TTC39B: variants seen among roughly 807,000 people sequenced by gnomAD.
The protein encoded by TTC39B is tetratricopeptide repeat protein 39B.
In TTC39B, 92 loss-of-function variants were observed where a neutral mutation model predicts 96.6. The ratio of observed to expected loss-of-function variants is 0.95; its 90% CI spans 0.80 to 1.13. The LOEUF (loss-of-function observed/expected upper bound fraction) is 1.13. TTC39B is among the 50% of genes most tolerant of loss of function. The pLI is 0.00. For synonymous variants in TTC39B, 367 were observed against 299.4 expected (o/e 1.23, Z -2.33); for missense variants, 955 against 809.3 (o/e 1.18, Z -2.18).
chr9:15,269,208 T>C (rs75519459), intron 1 of TTC39B, among the ~76,000 whole-genome samples: 2 of 152,376 alleles, frequency 1.3e-5, no homozygotes, highest in East Asian at 3.9e-4. Flanking sequence ...AAGTTCCTCA[T>C]CATTTCATTT....
chr9:15,262,791 C>G (rs936742780), intron 2 of TTC39B, among the ~76,000 whole-genome samples: 1 of 152,152 alleles, frequency 6.6e-6, no homozygotes, highest in Admixed American at 6.5e-5. Context: ...AGAAATTAAT[C>G]ATCAGGTTGG....
At chr9:15,227,992 T>C (rs34742511) in intron 2 of TTC39B, among the ~76,000 whole-genome samples, 19 of 152,172 alleles carry the variant, frequency 1.2e-4, no homozygotes, top group Non-Finnish European at 1.9e-4. Context: ...GTTTATAATT[T>C]AAATAAATGG....
intron 2 of TTC39B, chr9:15,249,965 T>C (rs1822458683): frequency 7.8e-7 from 1 of 1,288,356 alleles, no homozygotes; most frequent in Non-Finnish European, 1.0e-6. Context: ...AGTCCCACTA[T>C]GAAGATGTCT....
chr9:15,229,429 A>G (rs913391094), intron 2 of TTC39B, among the ~76,000 whole-genome samples: 1 of 152,232 alleles, frequency 6.6e-6, no homozygotes, highest in Admixed American at 6.5e-5. Flanking sequence ...ACTCTGTAAA[A>G]TTATGTTAAC....
chr9:15,235,052 A>AATAAAT (rs1487120310), intron 2 of TTC39B, among the ~76,000 whole-genome samples: 5 of 136,590 alleles, frequency 3.7e-5, no homozygotes, highest in African/African-American at 1.3e-4. Flanking sequence ...TAAAACAAAA[A>AATAAAT]CAAAACAAAA....
chr9:15,277,989 C>T (rs540527892), intron 1 of TTC39B, among the ~76,000 whole-genome samples: 13 of 152,266 alleles, frequency 8.5e-5, no homozygotes, highest in African/African-American at 2.4e-4. Context: ...AAGGAACCAC[C>T]AGATGTCACT....
At chr9:15,268,477 G>A (rs1212382010) in intron 1 of TTC39B, among the ~76,000 whole-genome samples, 1 of 151,976 alleles carries the variant, frequency 6.6e-6, no homozygotes, top group Non-Finnish European at 1.5e-5. Context: ...CAACAGGAGA[G>A]AAACGCACAC....
intron 1 of TTC39B, among the ~76,000 whole-genome samples, chr9:15,291,816 G>C (rs1824199502): frequency 6.6e-6 from 1 of 152,178 alleles, no homozygotes; most frequent in African/African-American, 2.4e-5. Flanking sequence ...TTCCTAGCAA[G>C]GCATGCGGGA....
intron 2 of TTC39B, among the ~76,000 whole-genome samples, chr9:15,263,232 C>A (rs963504623): frequency 6.6e-6 from 1 of 152,124 alleles, no homozygotes; most frequent in African/African-American, 2.4e-5. Flanking sequence ...TCTGGAGAAC[C>A]CACACTCTTA....
At chr9:15,256,753 A>G (rs1171189523) in intron 2 of TTC39B, among the ~76,000 whole-genome samples, 2 of 152,146 alleles carry the variant, frequency 1.3e-5, no homozygotes, top group South Asian at 4.1e-4. Flanking sequence ...ACACGCTCCA[A>G]TCCGGAGCAG....
chr9:15,298,221 C>T (rs935202250), intron 1 of TTC39B, among the ~76,000 whole-genome samples: 6 of 152,172 alleles, frequency 3.9e-5, no homozygotes, highest in Admixed American at 1.3e-4. Flanking sequence ...AGCCTTCATC[C>T]TCAGACTGAG....
At chr9:15,218,635 A>AAAAAAAAAAAATATATATATATATAT (rs374054306) in intron 3 of TTC39B, among the ~76,000 whole-genome samples, 3 of 149,446 alleles carry the variant, frequency 2.0e-5, no homozygotes, top group African/African-American at 7.4e-5. Context: ...GTCTATTTTA[A>AAAAAAAAAAAATATATATATATATAT]ATATATATAT....
exon 20 of TTC39B, chr9:15,172,032 G>A: frequency 6.2e-7 from 1 of 1,612,132 alleles, no homozygotes; most frequent in Non-Finnish European, 8.5e-7. Context: ...ATCTGAGGAA[G>A]GTTTTCTCCA....
At chr9:15,185,385 C>G (rs1028773236) in exon 16 of TTC39B, 1 of 1,613,838 alleles carries the variant, frequency 6.2e-7, no homozygotes, top group African/African-American at 1.3e-5. Flanking sequence ...CGGCAATTCT[C>G]TGCTTCAAGC....
chr9:15,182,117 A>G (rs988710807), intron 17 of TTC39B, among the ~76,000 whole-genome samples, 190 bp downstream of exon 17: 3 of 152,174 alleles, frequency 2.0e-5, no homozygotes, highest in African/African-American at 7.2e-5. Flanking sequence ...GCTGTTTCCA[A>G]GGTTCATGCA....
intron 2 of TTC39B, 150 bp downstream of exon 2, chr9:15,267,764 C>T (rs1823188930): frequency 1.6e-6 from 1 of 609,940 alleles, no homozygotes; most frequent in Non-Finnish European, 2.8e-6. Context: ...AATATAATCA[C>T]ATCCTCTTTA....
chr9:15,209,632 G>A (rs779889618), intron 6 of TTC39B, among the ~76,000 whole-genome samples: 2 of 152,130 alleles, frequency 1.3e-5, no homozygotes, highest in Non-Finnish European at 2.9e-5. Context: ...TTTTTAAAAT[G>A]CATGAATCCA....
rs114090639 is a variant in TTC39B, at chr9:15,268,035, T to C, written c.241-87A>G. The C allele has an allele frequency of 3.3e-3, 4,025 of 1,211,752 alleles. 112 individuals carry two copies. In the African/African-American group the frequency reaches 0.05, roughly 15 times the overall value. 75.1% of individuals were successfully genotyped at this position (1,211,752 alleles called of 1,614,324 possible). ...CTAAAAGAGAAAATGAATACACGCA[T>C]TGGGGAGAGTGGTCCTGGCAGGAAG... On this transcript the variant is annotated intron_variant, in intron 1 of 19. Coordinates refer to ENST00000512701, the Ensembl canonical transcript of TTC39B.
At chr9:15,298,887 C>T (rs891976011) in intron 1 of TTC39B, among the ~76,000 whole-genome samples, 3 of 152,288 alleles carry the variant, frequency 2.0e-5, no homozygotes, top group South Asian at 4.1e-4. Context: ...TATTCCCTCT[C>T]CTGGAAGACA....
Sources: gnomAD v4.1 joint callset for allele counts (sites outside exome capture counted in the v4.1 genomes callset) on GRCh38, gnomAD v4.1.1 for gene constraint, MANE v1.5 for transcripts, NCBI Gene and HGNC (gene_info 2026-07-23, HGNC 2026-07-21) for gene names.